The following EXOC6B variants were observed in gnomAD, a reference collection of about 807,000 sequenced individuals.
The protein encoded by EXOC6B is SEC15 homolog B.
A neutral mutation model predicts 113.5 loss-of-function variants in EXOC6B; 54 were observed. The ratio of observed to expected loss-of-function variants is 0.48; its 90% CI spans 0.38 to 0.60. The LOEUF (loss-of-function observed/expected upper bound fraction) is 0.60. Among genes scored for constraint, EXOC6B ranks in the 20% least tolerant of loss-of-function variants. The pLI is 0.00. For synonymous variants in EXOC6B, 357 were observed against 339.0 expected, an observed-to-expected ratio of 1.05 and a Z score of -0.58; for missense variants, 797 against 977.5, an observed-to-expected ratio of 0.82 and a Z score of 2.46.
intron 8 of EXOC6B, among the ~76,000 whole-genome samples, chr2:72,530,495 C>T (rs186868065): frequency 4.6e-5 from 7 of 152,042 alleles, no homozygotes; most frequent in East Asian, 3.9e-4. Flanking sequence ...TCTGTTTGGC[C>T]GGGATATGCT....
At chr2:72,470,545 C>T (rs1698334740) in intron 17 of EXOC6B, among the ~76,000 whole-genome samples, 1 of 151,868 alleles carries the variant, frequency 6.6e-6, no homozygotes, top group African/African-American at 2.4e-5. Context: ...TATACATGTG[C>T]CATGTTGGTG....
chr2:72,731,294 A>G lies in EXOC6B; in HGVS notation c.328-49T>C, dbSNP rs556472558. On this transcript the variant is annotated intron_variant, in intron 3 of 21. Coordinates refer to ENST00000272427, the MANE Select transcript of EXOC6B (RefSeq NM_015189.3). Reference sequence around the variant, plus strand: ...AATTATGCCTATGGCTGTAAATAAAAAGCTTTCAGTCACATTTTTCCACAC... The same window carrying G: ...AATTATGCCTATGGCTGTAAATAAAGAGCTTTCAGTCACATTTTTCCACAC... The G allele has an allele frequency of 8.4e-6, 12 of 1,422,682 alleles. No homozygotes were observed. The South Asian group carries it at 1.4e-4, about 17-fold the overall frequency. 88.1% of individuals were successfully genotyped at this position (1,422,682 alleles called of 1,614,324 possible).
At chr2:72,488,918 C>A (rs1227526670) in intron 16 of EXOC6B, among the ~76,000 whole-genome samples, 1 of 152,158 alleles carries the variant, frequency 6.6e-6, no homozygotes, top group Non-Finnish European at 1.5e-5. Context: ...TTTACGACGG[C>A]CTACCATGAA....
At chr2:72,453,084 A>G (rs1006187413) in intron 18 of EXOC6B, among the ~76,000 whole-genome samples, 2 of 152,194 alleles carry the variant, frequency 1.3e-5, no homozygotes, top group African/African-American at 4.8e-5. Flanking sequence ...TGTAGCAAAA[A>G]GAGTATATGC....
chr2:72,790,698 A>G (rs1684626231), intron 1 of EXOC6B, among the ~76,000 whole-genome samples: 1 of 152,222 alleles, frequency 6.6e-6, no homozygotes, highest in Non-Finnish European at 1.5e-5. Context: ...CATTACTATT[A>G]GAATTAACAA....
At chr2:72,674,595 GC>G (rs908677483) in intron 6 of EXOC6B, among the ~76,000 whole-genome samples, 2 of 152,192 alleles carry the variant, frequency 1.3e-5, no homozygotes, top group African/African-American at 2.4e-5. Context: ...ACTTTGGGAG[GC>G]CGAGGCGGGC....
intron 1 of EXOC6B, among the ~76,000 whole-genome samples, chr2:72,816,384 T>C (rs1686250859): frequency 6.6e-6 from 1 of 152,082 alleles, no homozygotes; most frequent in Non-Finnish European, 1.5e-5. Context: ...ATCTCAAAAA[T>C]ATATGTATAA....
At chr2:72,568,551 G>A (rs1010558815) in intron 7 of EXOC6B, among the ~76,000 whole-genome samples, 8 of 151,594 alleles carry the variant, frequency 5.3e-5, no homozygotes, top group Non-Finnish European at 4.4e-5. Context: ...ACACACGCAC[G>A]CACGCACACA....
At chr2:72,640,114 A>C (rs1558870546) in intron 6 of EXOC6B, among the ~76,000 whole-genome samples, 2 of 152,222 alleles carry the variant, frequency 1.3e-5, no homozygotes, top group Non-Finnish European at 2.9e-5. Flanking sequence ...GGAAGCTAAA[A>C]ATCATGGAAA....
intron 20 of EXOC6B, among the ~76,000 whole-genome samples, chr2:72,223,398 G>A (rs1481466091): frequency 6.6e-6 from 1 of 152,082 alleles, no homozygotes; most frequent in Non-Finnish European, 1.5e-5. Flanking sequence ...AACCATTTCA[G>A]GCTCTCCCTA....
At chr2:72,456,956 T>C (rs1199808315) in intron 18 of EXOC6B, among the ~76,000 whole-genome samples, 1 of 151,562 alleles carries the variant, frequency 6.6e-6, no homozygotes, top group East Asian at 1.9e-4. Context: ...TGTAAGATTT[T>C]CAACACACAT....
chr2:72,317,299 C>T (rs1180495053), intron 20 of EXOC6B, among the ~76,000 whole-genome samples: 1 of 152,030 alleles, frequency 6.6e-6, no homozygotes, highest in Non-Finnish European at 1.5e-5. Context: ...TATTCACTCC[C>T]ATGCCCCTTT....
intron 19 of EXOC6B, among the ~76,000 whole-genome samples, chr2:72,338,134 T>C (rs970092090): frequency 1.3e-5 from 2 of 152,174 alleles, no homozygotes; most frequent in African/African-American, 4.8e-5. Flanking sequence ...AGTAGCTCTA[T>C]GGGCTTACAC....
In EXOC6B at chr2:72,480,766, C is replaced by T. The variant is rs768432735; in HGVS notation, c.1666-16G>A. On this transcript the variant is annotated splice_polypyrimidine_tract_variant and intron_variant, in intron 16 of 21. Transcript: ENST00000272427. ...TCTGAACAAGCTAGAAAACAACAAACACATGTAAAAGTCATTTAACTACTC... is the reference window on the plus strand; with the variant it reads ...TCTGAACAAGCTAGAAAACAACAAATACATGTAAAAGTCATTTAACTACTC... 102 of 1,593,986 alleles carry T rather than the reference C, an allele frequency of 6.4e-5. No individual in the cohort carries two copies. Among genetic ancestry groups the T allele is most frequent in the Middle Eastern group, 1.7e-4 (1 of 5,960 alleles).
chr2:72,222,541 G>T (rs565556357), intron 20 of EXOC6B, among the ~76,000 whole-genome samples: 2 of 152,142 alleles, frequency 1.3e-5, no homozygotes, highest in African/African-American at 4.8e-5. Context: ...AAAATGCCCT[G>T]GACTAGAAGC....
intron 1 of EXOC6B, among the ~76,000 whole-genome samples, chr2:72,790,630 T>A (rs1046644545): frequency 6.6e-6 from 1 of 152,118 alleles, no homozygotes; most frequent in Non-Finnish European, 1.5e-5. Flanking sequence ...AGTAGTCCAT[T>A]TTAATCCAAA....
At chr2:72,727,283 T>A (rs997766753) in intron 5 of EXOC6B, among the ~76,000 whole-genome samples, 1 of 152,172 alleles carries the variant, frequency 6.6e-6, no homozygotes, top group African/African-American at 2.4e-5. Flanking sequence ...GATAATTGTA[T>A]GAAATGTAAA....
intron 6 of EXOC6B, among the ~76,000 whole-genome samples, chr2:72,608,517 C>T (rs1174524682): frequency 6.6e-6 from 1 of 152,088 alleles, no homozygotes; most frequent in East Asian, 1.9e-4. Flanking sequence ...CCAAAATAGT[C>T]AAATATGCAC....
intron 6 of EXOC6B, among the ~76,000 whole-genome samples, chr2:72,576,663 A>C (rs748082184): frequency 6.6e-6 from 1 of 152,138 alleles, no homozygotes; most frequent in African/African-American, 2.4e-5. Flanking sequence ...AACAGGAAAT[A>C]CTGCGTCCCA....
Sources: allele counts gnomAD v4.1 joint callset (sites outside exome capture counted in the v4.1 genomes callset), GRCh38; gene constraint gnomAD v4.1.1; transcripts MANE v1.5; gene names NCBI Gene and HGNC (gene_info 2026-07-23, HGNC 2026-07-21).